The following NXPE2 variants were observed in gnomAD, a reference collection of about 807,000 sequenced individuals.
NXPE2 encodes the protein NXPE family member 2.
A neutral mutation model predicts 34.4 loss-of-function variants in NXPE2; 34 were observed. The ratio of observed to expected loss-of-function variants is 0.99; its 90% CI spans 0.75 to 1.31. The LOEUF is 1.31. Among genes scored for constraint, NXPE2 ranks in the 40% most tolerant of loss-of-function variants. The probability of loss-of-function intolerance (pLI) is 0.00; values close to 1 mark genes in which losing one functional copy is unlikely to be tolerated. For synonymous variants in NXPE2, 235 were observed against 231.3 expected (o/e 1.02, Z -0.15); for missense variants, 649 against 672.5 (o/e 0.97, Z 0.39).
chr11:114,733,523 ATACTTCAAGGAGG>A, the NXPE2 span, among the ~76,000 whole-genome samples: 2 of 152,318 alleles, frequency 1.3e-5, no homozygotes, highest in South Asian at 4.1e-4. Flanking sequence ...AACCATAAAT[ATACTTCAAGGAGG>A]TATACCTATT....
the NXPE2 span, among the ~76,000 whole-genome samples, chr11:114,614,216 T>C: frequency 6.6e-6 from 1 of 151,936 alleles, no homozygotes; most frequent in Non-Finnish European, 1.5e-5. Context: ...TAATGGATAA[T>C]AAGTGTTGCC....
chr11:114,653,821 C>A, the NXPE2 span, among the ~76,000 whole-genome samples: 1 of 152,076 alleles, frequency 6.6e-6, no homozygotes, highest in Non-Finnish European at 1.5e-5. Flanking sequence ...AGCCACCGCG[C>A]CTGGCCTGTC....
At chr11:114,656,522 A>T in the NXPE2 span, among the ~76,000 whole-genome samples, 1 of 152,114 alleles carries the variant, frequency 6.6e-6, no homozygotes, top group Non-Finnish European at 1.5e-5. Flanking sequence ...CAAGTTTTTC[A>T]TCTCTAAAAT....
chr11:114,783,739 T>C, the NXPE2 span, among the ~76,000 whole-genome samples: 3 of 152,154 alleles, frequency 2.0e-5, no homozygotes, highest in Non-Finnish European at 4.4e-5. Flanking sequence ...TTAGGCACTG[T>C]GGTGTTGTGA....
the NXPE2 span, among the ~76,000 whole-genome samples, chr11:114,807,940 G>A: frequency 6.6e-6 from 1 of 152,182 alleles, no homozygotes; most frequent in South Asian, 2.1e-4. Context: ...CACATAGTTG[G>A]AAGTAAAGCA....
the NXPE2 span, among the ~76,000 whole-genome samples, chr11:114,714,483 G>A: frequency 3.3e-5 from 5 of 152,208 alleles, no homozygotes; most frequent in Non-Finnish European, 2.9e-5. Context: ...GGAGTGGGAA[G>A]CACTGAATTA....
chr11:114,541,966 C>CT, the NXPE2 span, among the ~76,000 whole-genome samples: 1 of 152,098 alleles, frequency 6.6e-6, no homozygotes, highest in East Asian at 1.9e-4. Flanking sequence ...AAGTTAAGGT[C>CT]TTTTTGATTT....
At chr11:114,801,762 GGGACGA>G in the NXPE2 span, among the ~76,000 whole-genome samples, 1 of 152,162 alleles carries the variant, frequency 6.6e-6, no homozygotes, top group Non-Finnish European at 1.5e-5. Flanking sequence ...GTGCAAAATA[GGGACGA>G]GTCAGGTTTC....
At chr11:114,520,835 T>C in the NXPE2 span, among the ~76,000 whole-genome samples, 3 of 152,214 alleles carry the variant, frequency 2.0e-5, no homozygotes, top group Admixed American at 1.3e-4. Flanking sequence ...CAGATCTCGC[T>C]CCTTCATAGG....
the NXPE2 span, among the ~76,000 whole-genome samples, chr11:114,654,210 T>C: frequency 6.6e-6 from 1 of 152,156 alleles, no homozygotes; most frequent in East Asian, 1.9e-4. Flanking sequence ...ATGCCTGCCT[T>C]CCACCCAGAG....
the NXPE2 span, chr11:114,522,193 C>G: frequency 6.2e-7 from 1 of 1,614,104 alleles, no homozygotes; most frequent in South Asian, 1.1e-5. Flanking sequence ...TCTTAATAAT[C>G]ACTTTAGTGG....
chr11:114,786,355 A>ACCCGCC, the NXPE2 span, among the ~76,000 whole-genome samples: 1 of 127,328 alleles, frequency 7.9e-6, no homozygotes, highest in African/African-American at 2.9e-5. Context: ...AGATCTTTCT[A>ACCCGCC]CCCCCGCCCC....
chr11:114,539,006 T>A, the NXPE2 span, among the ~76,000 whole-genome samples: 1 of 107,510 alleles, frequency 9.3e-6, no homozygotes, highest in South Asian at 3.5e-4. Context: ...GAGGCACTAT[T>A]CACAATAGCA....
At chr11:114,636,447 T>G in the NXPE2 span, among the ~76,000 whole-genome samples, 4 of 152,082 alleles carry the variant, frequency 2.6e-5, no homozygotes, top group Non-Finnish European at 5.9e-5. Flanking sequence ...AAGGGTTTTT[T>G]GTGTCTCTAT....
chr11:114,586,136 C>T, the NXPE2 span, among the ~76,000 whole-genome samples: 1 of 152,172 alleles, frequency 6.6e-6, no homozygotes, highest in Admixed American at 6.5e-5. Flanking sequence ...CCTCCTCAAG[C>T]TCATCTATAA....
the NXPE2 span, among the ~76,000 whole-genome samples, chr11:114,607,807 CT>C: frequency 6.6e-6 from 1 of 151,594 alleles, no homozygotes; most frequent in South Asian, 2.1e-4. Flanking sequence ...AGTGTTGCCT[CT>C]TCAGTAACCA....
chr11:114,540,706 G>A, the NXPE2 span, among the ~76,000 whole-genome samples: 7 of 152,036 alleles, frequency 4.6e-5, no homozygotes, highest in African/African-American at 7.2e-5. Context: ...GTGAACAAAA[G>A]CAGGCAAGTT....
the NXPE2 span, among the ~76,000 whole-genome samples, chr11:114,486,899 G>A: frequency 1.3e-5 from 2 of 152,014 alleles, no homozygotes; most frequent in East Asian, 1.9e-4. Flanking sequence ...TTTACAATAC[G>A]TCTGTAGTAT....
At chr11:114,622,075 C>A in the NXPE2 span, among the ~76,000 whole-genome samples, 1 of 151,990 alleles carries the variant, frequency 6.6e-6, no homozygotes, top group Admixed American at 6.6e-5. Context: ...ACCACTGTTA[C>A]CTGGTGGATA....
Sources: gnomAD v4.1 joint callset for allele counts (sites outside exome capture counted in the v4.1 genomes callset) on GRCh38, gnomAD v4.1.1 for gene constraint, MANE v1.5 for transcripts, NCBI Gene and HGNC (gene_info 2026-07-23, HGNC 2026-07-21) for gene names.